Variants in RBFOX1 observed in about 807,000 individuals in gnomAD.
RBFOX1 encodes RNA binding protein fox-1 homolog 1.
Under a neutral mutation model 57.7 loss-of-function variants are expected in RBFOX1, and 8 were observed. That is an observed-to-expected ratio of 0.14 (90% CI 0.08 to 0.25). RBFOX1 has a LOEUF of 0.25. Ranked by LOEUF, RBFOX1 falls within the 10% of genes least tolerant of loss-of-function variation. The probability of loss-of-function intolerance (pLI) is 1.00; values close to 1 mark genes in which losing one functional copy is unlikely to be tolerated. For missense variants in RBFOX1, 611 were observed against 548.5 expected (o/e 1.11, Z -1.14); for synonymous variants, 326 against 222.4 (o/e 1.47, Z -4.15).
intron 3 of RBFOX1, among the ~76,000 whole-genome samples, chr16:6,710,430 CT>C (rs1405896457): frequency 1.3e-5 from 2 of 152,232 alleles, no homozygotes; most frequent in East Asian, 1.9e-4. Flanking sequence ...ATTTTACATT[CT>C]TTTTTTCATC....
rs909539504 is a variant in RBFOX1, at chr16:5,756,244, A to C, written c.319-111059A>C. On this transcript the variant is annotated intron_variant, in intron 3 of 19. Coordinates refer to the RBFOX1 transcript ENST00000641259. ...TAAGCAAAAAAAAAAAAAAAAAAAA[A>C]AAAACCCTGCACCACCTCCTGCAGT... is the stretch of plus-strand genomic sequence containing the variant. Among the ~76,000 whole-genome samples, 85 of 151,120 alleles carry C rather than the reference A, an allele frequency of 5.6e-4. 1 individual carries two copies. The highest frequency in any genetic ancestry group is 1.6e-4 in the Non-Finnish European group (11 of 67,794).
chr16:5,303,379 TC>T (rs2063851812), intron 1 of RBFOX1, among the ~76,000 whole-genome samples: 5 of 152,188 alleles, frequency 3.3e-5, no homozygotes, highest in Admixed American at 3.3e-4. Flanking sequence ...TAAATGCTAG[TC>T]TTTTGGAGTC....
intron 9 of RBFOX1, among the ~76,000 whole-genome samples, chr16:7,603,929 G>C (rs750342030): frequency 2.0e-5 from 3 of 152,144 alleles, no homozygotes; most frequent in Non-Finnish European, 2.9e-5. Context: ...ACAGGGGGAA[G>C]GAGGAGGAAG....
At chr16:5,866,324 A>C (rs1296397827) in intron 3 of RBFOX1, among the ~76,000 whole-genome samples, 1 of 152,184 alleles carries the variant, frequency 6.6e-6, no homozygotes, top group Non-Finnish European at 1.5e-5. Flanking sequence ...CCTTCATGAC[A>C]TCATCTAAAC....
chr16:7,546,014 TAA>T (rs71150312), intron 5 of RBFOX1, among the ~76,000 whole-genome samples: 8 of 134,138 alleles, frequency 6.0e-5, no homozygotes, highest in Non-Finnish European at 1.1e-4. Flanking sequence ...TCTGAGCTTA[TAA>T]AAAAAAAAAA....
At chr16:6,792,083 C>G (rs1466205449) in intron 3 of RBFOX1, among the ~76,000 whole-genome samples, 1 of 151,986 alleles carries the variant, frequency 6.6e-6, no homozygotes, top group African/African-American at 2.4e-5. Flanking sequence ...ACTGATAATA[C>G]CTAAATACAT....
intron 4 of RBFOX1, among the ~76,000 whole-genome samples, chr16:7,395,547 C>T (rs1448224257): frequency 2.0e-5 from 3 of 152,130 alleles, no homozygotes; most frequent in Non-Finnish European, 1.5e-5. Context: ...AAGCAGAGCT[C>T]ATTAAGGGGA....
intron 3 of RBFOX1, among the ~76,000 whole-genome samples, chr16:6,878,324 C>G (rs1391887656): frequency 6.6e-6 from 1 of 152,128 alleles, no homozygotes; most frequent in Non-Finnish European, 1.5e-5. Flanking sequence ...GTGACAGGTG[C>G]TGGAACATTT....
chr16:6,369,283 A>T (rs2090099396), intron 2 of RBFOX1, among the ~76,000 whole-genome samples: 1 of 152,170 alleles, frequency 6.6e-6, no homozygotes, highest in Non-Finnish European at 1.5e-5. Context: ...AATTCACCTA[A>T]TTTTAAGGGA....
chr16:7,432,147 AG>A (rs2098687063), intron 4 of RBFOX1, among the ~76,000 whole-genome samples: 1 of 152,234 alleles, frequency 6.6e-6, no homozygotes, highest in South Asian at 2.1e-4. Flanking sequence ...TTGTCAGGTC[AG>A]CAGGGGTGCC....
intron 1 of RBFOX1, among the ~76,000 whole-genome samples, chr16:6,120,009 G>C (rs2096536934): frequency 6.6e-6 from 1 of 152,094 alleles, no homozygotes; most frequent in Non-Finnish European, 1.5e-5. Context: ...TCCTTTTCTG[G>C]ATATTTTGTG....
chr16:5,290,771 T>C (rs1427168268), intron 1 of RBFOX1, among the ~76,000 whole-genome samples: 1 of 151,780 alleles, frequency 6.6e-6, no homozygotes, highest in African/African-American at 2.4e-5. Flanking sequence ...TGATCTTGGC[T>C]CACTGCAACC....
chr16:6,807,856 T>C (rs549806606), intron 3 of RBFOX1, among the ~76,000 whole-genome samples: 12 of 150,978 alleles, frequency 7.9e-5, no homozygotes, highest in Non-Finnish European at 1.8e-4. Context: ...ATTGAATATG[T>C]ATGTTAGTAT....
chr16:5,362,320 G>T (rs944351128), intron 1 of RBFOX1, among the ~76,000 whole-genome samples: 1 of 151,756 alleles, frequency 6.6e-6, no homozygotes, highest in African/African-American at 2.4e-5. Context: ...CCTCCCGAGT[G>T]TCTGGGACTA....
At chr16:5,577,166 C>T (rs1258663176) in intron 2 of RBFOX1, among the ~76,000 whole-genome samples, 1 of 152,244 alleles carries the variant, frequency 6.6e-6, no homozygotes, top group Non-Finnish European at 1.5e-5. Context: ...TCAAATCACA[C>T]ATTTCCCCAA....
At chr16:5,861,667 C>G (rs2057218577) in intron 3 of RBFOX1, among the ~76,000 whole-genome samples, 1 of 152,200 alleles carries the variant, frequency 6.6e-6, no homozygotes, top group Non-Finnish European at 1.5e-5. Flanking sequence ...ACCCATGCCC[C>G]ATGACGGTGC....
chr16:6,861,218 C>T (rs1265835351), intron 3 of RBFOX1, among the ~76,000 whole-genome samples: 1 of 152,146 alleles, frequency 6.6e-6, no homozygotes, highest in African/African-American at 2.4e-5. Context: ...ACCGCTGTGT[C>T]TGTGTGTATT....
chr16:5,956,258 G>A (rs931692348), intron 4 of RBFOX1, among the ~76,000 whole-genome samples: 6 of 151,976 alleles, frequency 3.9e-5, no homozygotes, highest in East Asian at 3.9e-4. Flanking sequence ...CCTGGGCGAT[G>A]GAGTGAAACT....
intron 1 of RBFOX1, among the ~76,000 whole-genome samples, chr16:6,118,481 G>A (rs138812616): frequency 8.5e-4 from 129 of 152,296 alleles, no homozygotes; most frequent in African/African-American, 2.9e-3. Flanking sequence ...ATCACACGGT[G>A]TAAGGGTCAA....
Sources: allele counts gnomAD v4.1 joint callset (sites outside exome capture counted in the v4.1 genomes callset), GRCh38; gene constraint gnomAD v4.1.1; transcripts MANE v1.5; gene names NCBI Gene and HGNC (gene_info 2026-07-23, HGNC 2026-07-21).